Variants in MGLL observed in about 807,000 individuals in gnomAD.
The protein encoded by MGLL is lysophospholipase homolog.
MGLL carries 7 observed loss-of-function variants against 29.1 expected under a neutral mutation model. The observed-to-expected ratio is 0.24, with a 90% CI of 0.14 to 0.45. The LOEUF is 0.45. Among genes scored for constraint, MGLL ranks in the 20% least tolerant of loss-of-function variants. The pLI, the probability that MGLL is intolerant of heterozygous loss-of-function variation, is 0.99. For synonymous variants in MGLL, 148 were observed against 168.3 expected, an observed-to-expected ratio of 0.88 and a Z score of 0.93; for missense variants, 356 against 413.6, an observed-to-expected ratio of 0.86 and a Z score of 1.21.
intron 3 of MGLL, among the ~76,000 whole-genome samples, chr3:127,758,651 AG>A: frequency 6.6e-6 from 1 of 152,218 alleles, no homozygotes; most frequent in Non-Finnish European, 1.5e-5. Context: ...GGCTGTACCG[AG>A]CGAGGAGAAT....
At chr3:127,718,461 C>G (rs1238441883) in intron 5 of MGLL, among the ~76,000 whole-genome samples, 2 of 152,168 alleles carry the variant, frequency 1.3e-5, no homozygotes, top group African/African-American at 4.8e-5. Flanking sequence ...CTCATAAGAG[C>G]AAACAACTGG....
intron 3 of MGLL, chr3:127,736,077 T>G (rs571784718): frequency 3.9e-6 from 5 of 1,276,170 alleles, no homozygotes; most frequent in Non-Finnish European, 4.9e-6. Context: ...TCTGTGAGAT[T>G]ACAGAAGTTC....
chr3:127,760,780 A>G (rs2076750270), intron 3 of MGLL, among the ~76,000 whole-genome samples: 1 of 152,228 alleles, frequency 6.6e-6, no homozygotes, highest in South Asian at 2.1e-4. Context: ...AGCAAGGTGC[A>G]AGTGTGTAAG....
At chr3:127,799,670 G>C (rs540885200) in intron 2 of MGLL, among the ~76,000 whole-genome samples, 3 of 152,152 alleles carry the variant, frequency 2.0e-5, no homozygotes, top group African/African-American at 7.2e-5. Context: ...CTCATCTCCC[G>C]GCTGTGCCTC....
At chr3:127,742,339 C>T (rs1285082251) in intron 3 of MGLL, among the ~76,000 whole-genome samples, 1 of 152,138 alleles carries the variant, frequency 6.6e-6, no homozygotes, top group African/African-American at 2.4e-5. Flanking sequence ...CCTGTAACCT[C>T]AGCACTTTGG....
chr3:127,721,704 C>CA (rs1331869890), intron 4 of MGLL, among the ~76,000 whole-genome samples: 1 of 152,128 alleles, frequency 6.6e-6, no homozygotes, highest in Non-Finnish European at 1.5e-5. Context: ...GCAAGGGTTG[C>CA]AACCGCAAAT....
At chr3:127,770,811 TG>T (rs2076935932) in intron 3 of MGLL, among the ~76,000 whole-genome samples, 1 of 152,178 alleles carries the variant, frequency 6.6e-6, no homozygotes, top group African/African-American at 2.4e-5. Context: ...GTCACAAGGC[TG>T]GGTGTCCAGG....
rs553834077 is a variant in MGLL at position 127,756,855 on chromosome 3, G to A, written c.262+24934C>T. Among the ~76,000 whole-genome samples, 76 of 152,190 alleles carry A rather than the reference G, an allele frequency of 5.0e-4. No homozygotes were observed. The South Asian group carries it at 0.016, about 31-fold the overall frequency. On this transcript the variant is annotated intron_variant, in intron 3 of 7. Transcript: ENST00000265052. ...CTGCATGCTGTCTAAAACCACCATG[G>A]CTGCTACCCTTGATGACGCAGACCT...
intron 2 of MGLL, among the ~76,000 whole-genome samples, chr3:127,804,202 G>A (rs758488065): frequency 3.9e-5 from 6 of 152,212 alleles, no homozygotes; most frequent in East Asian, 1.9e-4. Context: ...ATTACCACCC[G>A]GAATGCAAGA....
chr3:127,798,636 C>G (rs2077425354), intron 2 of MGLL, among the ~76,000 whole-genome samples: 1 of 152,216 alleles, frequency 6.6e-6, no homozygotes, highest in Non-Finnish European at 1.5e-5. Flanking sequence ...CCACACCCTG[C>G]CCCCAGTTTC....
intron 3 of MGLL, among the ~76,000 whole-genome samples, chr3:127,765,675 G>A (rs1455491091): frequency 6.6e-6 from 1 of 152,204 alleles, no homozygotes; most frequent in African/African-American, 2.4e-5. Flanking sequence ...GTGGGTAAAC[G>A]AACAGAAACA....
intron 3 of MGLL, among the ~76,000 whole-genome samples, chr3:127,726,186 A>AAG (rs1553758442): frequency 3.3e-4 from 5 of 15,056 alleles, no homozygotes; most frequent in Non-Finnish European, 1.1e-3. Flanking sequence ...GAAAGAAAGA[A>AAG]AAGAAAAGAA....
intron 7 of MGLL, among the ~76,000 whole-genome samples, chr3:127,694,286 AAT>A (rs869111063): frequency 0.016 from 1,556 of 97,810 alleles, 76 homozygotes; most frequent in South Asian, 0.021. Context: ...AAAAAAAAAA[AAT>A]ATATATATAT....
chr3:127,756,166 T>C (rs1294096512), intron 3 of MGLL, among the ~76,000 whole-genome samples: 2 of 152,170 alleles, frequency 1.3e-5, no homozygotes, highest in Non-Finnish European at 2.9e-5. Flanking sequence ...GCTCTAAGGG[T>C]TGGGGAGCAG....
intron 2 of MGLL, among the ~76,000 whole-genome samples, chr3:127,794,602 A>T (rs961510072): frequency 1.3e-5 from 2 of 152,146 alleles, no homozygotes; most frequent in Non-Finnish European, 2.9e-5. Context: ...GTCTTCTGTG[A>T]TGTAAGGCTA....
intron 3 of MGLL, among the ~76,000 whole-genome samples, chr3:127,726,699 G>C (rs1441373154): frequency 1.3e-5 from 2 of 152,054 alleles, no homozygotes; most frequent in Non-Finnish European, 2.9e-5. Context: ...CAAATTGCTG[G>C]GATTACAGGT....
At chr3:127,783,241 T>C (rs2077159589) in intron 2 of MGLL, among the ~76,000 whole-genome samples, 1 of 151,632 alleles carries the variant, frequency 6.6e-6, no homozygotes, top group Admixed American at 6.6e-5. Flanking sequence ...CCGCTGGCTG[T>C]CTGGTCTCCA....
intron 3 of MGLL, among the ~76,000 whole-genome samples, chr3:127,726,072 A>C (rs2076025051): frequency 3.4e-5 from 5 of 147,112 alleles, no homozygotes; most frequent in Admixed American, 3.4e-4. Flanking sequence ...CAAAAAAAAA[A>C]AGAAAGGGAA....
intron 3 of MGLL, among the ~76,000 whole-genome samples, chr3:127,763,940 G>C (rs1422858017): frequency 6.6e-6 from 1 of 152,192 alleles, no homozygotes; most frequent in East Asian, 1.9e-4. Context: ...GGAAGACCCA[G>C]GTTCCGACAT....
Sources: allele counts gnomAD v4.1 joint callset (sites outside exome capture counted in the v4.1 genomes callset), GRCh38; gene constraint gnomAD v4.1.1; transcripts MANE v1.5; gene names NCBI Gene and HGNC (gene_info 2026-07-23, HGNC 2026-07-21).